The following DDX60L variants were observed in gnomAD, a reference collection of about 807,000 sequenced individuals.
DDX60L encodes probable ATP-dependent RNA helicase DDX60-like.
Under a neutral mutation model 211.6 loss-of-function variants are expected in DDX60L, and 191 were observed. That is an observed-to-expected ratio of 0.90 (90% CI 0.80 to 1.02). The LOEUF is 1.02. Among genes scored for constraint, DDX60L ranks in the 50% least tolerant of loss-of-function variants. The pLI is 0.00. For missense variants in DDX60L, 2,007 were observed against 1,984.1 expected (o/e 1.01, Z -0.22); for synonymous variants, 706 against 694.1 (o/e 1.02, Z -0.27).
chr4:168,454,731 T>C (rs544554228), intron 7 of DDX60L, among the ~76,000 whole-genome samples: 2 of 147,208 alleles, frequency 1.4e-5, no homozygotes, highest in African/African-American at 2.5e-5. Context: ...CCATTCTCCA[T>C]GGTGCTCCCG....
chr4:168,396,158 AATG>A, intron 26 of DDX60L, 34 bp from the exon 27 acceptor site: 1 of 1,262,680 alleles, frequency 7.9e-7, no homozygotes, highest in Non-Finnish European at 1.1e-6. Context: ...ACTTTTAAGT[AATG>A]AAAACTCATA....
At chr4:168,388,310 G>T (rs1301938160) in intron 29 of DDX60L, among the ~76,000 whole-genome samples, 1 of 152,234 alleles carries the variant, frequency 6.6e-6, no homozygotes, top group Non-Finnish European at 1.5e-5. Context: ...CTAAGAGGAA[G>T]AAGGAGAGCA....
intron 19 of DDX60L, 79 bp from the exon 20 acceptor site, chr4:168,416,876 A>G (rs1271956481): frequency 1.3e-6 from 1 of 749,168 alleles, no homozygotes; most frequent in African/African-American, 1.8e-5. Flanking sequence ...ATCATCATGC[A>G]TATTTTTCCA....
intron 36 of DDX60L, among the ~76,000 whole-genome samples, chr4:168,370,491 G>C (rs1740811038): frequency 6.6e-6 from 1 of 152,106 alleles, no homozygotes; most frequent in Non-Finnish European, 1.5e-5. Context: ...TAAGTAGATA[G>C]GAGGAATAAG....
chr4:168,434,601 A>T (rs1244447101), intron 10 of DDX60L, among the ~76,000 whole-genome samples: 1 of 152,244 alleles, frequency 6.6e-6, no homozygotes, highest in Non-Finnish European at 1.5e-5. Flanking sequence ...GCAGCACTTA[A>T]TCACTAAAGA....
At chr4:168,391,511 C>T in intron 29 of DDX60L, 29 bp downstream of exon 29, 1 of 1,388,436 alleles carries the variant, frequency 7.2e-7, no homozygotes, top group South Asian at 1.2e-5. Context: ...CAGCTTTCAG[C>T]AATGGGAGTT....
chr4:168,379,585 T>C, intron 31 of DDX60L, 81 bp from the exon 32 acceptor site: 1 of 1,211,592 alleles, frequency 8.3e-7, no homozygotes, highest in Non-Finnish European at 1.1e-6. Flanking sequence ...GACTGACAAA[T>C]ATTACCTGAC....
intron 17 of DDX60L, among the ~76,000 whole-genome samples, chr4:168,420,642 G>GAGATAGATAGATAGAT (rs3068291): frequency 1.0e-4 from 14 of 136,550 alleles, no homozygotes; most frequent in East Asian, 4.2e-4. Flanking sequence ...ACACACACAT[G>GAGATAGATAGATAGAT]AGATAGATAG....
At chr4:168,424,192 C>A (rs1328990423) in intron 14 of DDX60L, among the ~76,000 whole-genome samples, 2 of 152,144 alleles carry the variant, frequency 1.3e-5, no homozygotes, top group Non-Finnish European at 2.9e-5. Flanking sequence ...AAAACATGAG[C>A]AACATTTATC....
chr4:168,384,820 C>A lies in DDX60L; in HGVS notation c.3916-8G>T, dbSNP rs776001825. On this transcript the variant is annotated splice_region_variant and splice_polypyrimidine_tract_variant and intron_variant, in intron 29 of 37. Coordinates refer to ENST00000682922, the MANE Select transcript of DDX60L (RefSeq NM_001012967.3). ...TCCAGCACGACCAGACATCTGGAAG[C>A]AGCAAAGAATCACAATGTAAAACCT... 4.3e-6 allele frequency: 7 copies of A among 1,609,710 alleles called. No individual in the cohort carries two copies. The highest frequency in any genetic ancestry group is 5.9e-6 in the Non-Finnish European group (7 of 1,177,568).
intron 8 of DDX60L, 65 bp from the exon 9 acceptor site, chr4:168,448,844 C>T (rs1242233665): frequency 1.5e-5 from 22 of 1,471,860 alleles, no homozygotes; most frequent in Middle Eastern, 1.8e-4. Flanking sequence ...TCCTGGTTAA[C>T]CCCCTATAAG....
In DDX60L at chr4:168,403,998, G is replaced by C; in HGVS notation, c.3322C>G (p.Pro1108Ala). The change falls in exon 25 of 38, where the codon CCT becomes GCT. Residue 1108 changes from proline (P) to alanine (A), a missense_variant. Pro to Ala is a conservative substitution (Grantham distance 27). Transcript: ENST00000682922. ...GTTACTTACAAAAAAAATATTGCAG[G>C]CAACTTATCCATTTGTCTTAACTTT... is the stretch of plus-strand genomic sequence containing the variant. ...VEKLRQMDKL[P>A]AIFFLFKNDD... The C allele has an allele frequency of 6.8e-7, 1 of 1,461,442 alleles. No homozygotes were observed. Among genetic ancestry groups the C allele is most frequent in the Non-Finnish European group, 9.2e-7 (1 of 1,090,380 alleles). 90.5% of individuals were successfully genotyped at this position (1,461,442 alleles called of 1,614,324 possible).
intron 8 of DDX60L, among the ~76,000 whole-genome samples, chr4:168,452,755 T>C (rs1392487045): frequency 1.3e-5 from 2 of 152,200 alleles, no homozygotes; most frequent in Admixed American, 6.5e-5. Context: ...TACATATTAT[T>C]ATTTTTTCTT....
chr4:168,416,450 A>C, intron 20 of DDX60L, among the ~76,000 whole-genome samples: 1 of 141,850 alleles, frequency 7.0e-6, no homozygotes, highest in East Asian at 2.0e-4. Context: ...CAGACATGGT[A>C]ATGTACACCT....
At chr4:168,444,779 C>A (rs1168756741) in intron 9 of DDX60L, among the ~76,000 whole-genome samples, 1 of 126,952 alleles carries the variant, frequency 7.9e-6, no homozygotes, top group Non-Finnish European at 1.6e-5. Context: ...TAAATGACTA[C>A]TGGGTACATA....
At chr4:168,358,529 T>TC (rs1560908082) in intron 37 of DDX60L, among the ~76,000 whole-genome samples, 2 of 28,816 alleles carry the variant, frequency 6.9e-5, no homozygotes, top group Admixed American at 4.1e-4. Flanking sequence ...TTTTTCTTTT[T>TC]TTTTTTTTTT....
chr4:168,466,894 A>G (rs1297160725), intron 4 of DDX60L, among the ~76,000 whole-genome samples: 1 of 152,196 alleles, frequency 6.6e-6, no homozygotes, highest in African/African-American at 2.4e-5. Context: ...ACAGCTGCCA[A>G]TTCACAAAAT....
chr4:168,471,559 A>G, intron 4 of DDX60L, 188 bp downstream of exon 4: 1 of 453,284 alleles, frequency 2.2e-6, no homozygotes, highest in South Asian at 5.0e-5. Flanking sequence ...AAAAAAATTT[A>G]ATAAAATAAA....
chr4:168,358,327 A>G (rs1467104483), intron 37 of DDX60L, 51 bp from the exon 38 acceptor site: 3 of 1,309,474 alleles, frequency 2.3e-6, no homozygotes, highest in East Asian at 5.5e-5. Flanking sequence ...CATTTTTATA[A>G]CAATCAATAT....
Sources: allele counts gnomAD v4.1 joint callset (sites outside exome capture counted in the v4.1 genomes callset), GRCh38; gene constraint gnomAD v4.1.1; transcripts MANE v1.5; gene names NCBI Gene and HGNC (gene_info 2026-07-23, HGNC 2026-07-21).